The following PVT1 variants were observed in gnomAD, a reference collection of about 807,000 sequenced individuals.
PVT1 encodes CXCR4/PVT1 fusion.
At chr8:127,862,343 G>T (rs1166639641) in intron 2 of PVT1, among the ~76,000 whole-genome samples, 1 of 151,982 alleles carries the variant, frequency 6.6e-6, no homozygotes, top group African/African-American at 2.4e-5. Flanking sequence ...AGGAGGCAGA[G>T]GTTGCAGTAA....
chr8:127,913,149 C>G (rs1815931850), intron 3 of PVT1, among the ~76,000 whole-genome samples: 1 of 152,046 alleles, frequency 6.6e-6, no homozygotes, highest in Admixed American at 6.5e-5. Flanking sequence ...CACGCTTGGC[C>G]TCTTCCCTCC....
At chr8:127,955,721 T>C (rs1816560757) in intron 3 of PVT1, among the ~76,000 whole-genome samples, 1 of 152,118 alleles carries the variant, frequency 6.6e-6, no homozygotes, top group Admixed American at 6.5e-5. Context: ...TAGCTGGGAT[T>C]ACAGGCACGT....
intron 4 of PVT1, among the ~76,000 whole-genome samples, chr8:128,066,346 CAG>C (rs1752659071): frequency 6.6e-6 from 1 of 152,190 alleles, no homozygotes; most frequent in African/African-American, 2.4e-5. Context: ...TGCTGCTGAT[CAG>C]TGCTATGTGT....
Position 128,041,294 on chromosome 8 carries a change from TTG to T in PVT1, n.913-28862_913-28861del, listed in dbSNP as rs1424806653. ...CATCTGTGTGTTTATGCTTGTATGT[TTG>T]TGTTGTGCTCATGTTTGTGCATGTG... is the stretch of plus-strand genomic sequence containing the variant. On this transcript the variant is annotated intron_variant and non_coding_transcript_variant, in intron 4 of 10. Coordinates refer to ENST00000651587, the Ensembl canonical transcript of PVT1. Among the ~76,000 whole-genome samples the T allele has an allele frequency of 4.2e-5, 5 of 119,416 alleles. 1 individual carries two copies. The highest frequency in any genetic ancestry group is 9.6e-5 in the Admixed American group (1 of 10,458). The allele number at this position is 119,416 out of a possible 152,430, so 78.3% of individuals were successfully genotyped here.
rs35886687 is a variant in PVT1, at chr8:127,858,805, CTTTTTTTTTTTTTTTT to C, written n.373-31771_373-31756del. 1.9e-4 allele frequency among the ~76,000 whole-genome samples: 9 copies of C among 47,324 alleles called. No homozygotes were observed. The South Asian group carries it at 3.7e-3, about 20-fold the overall frequency. 31.0% of individuals were successfully genotyped at this position (47,324 alleles called of 152,430 possible). A position where few individuals can be genotyped will look rare whatever the true frequency, so the allele number is the denominator to read the frequency against. On this transcript the variant is annotated intron_variant and non_coding_transcript_variant, in intron 2 of 10. Transcript: ENST00000651587. ...CTCTTGTGGACTACACTTGAAGATT[CTTTTTTTTTTTTTTTT>C]TTTTTTTTTTTTGAGACAGGGTCTT...
intron 4 of PVT1, among the ~76,000 whole-genome samples, chr8:128,040,774 T>G (rs1474556332): frequency 1.3e-5 from 2 of 151,504 alleles, no homozygotes; most frequent in East Asian, 3.9e-4. Flanking sequence ...TTTTGTGCTT[T>G]TGTGTGTGTG....
chr8:127,963,369 G>A (rs1350039145), intron 3 of PVT1, among the ~76,000 whole-genome samples: 2 of 152,168 alleles, frequency 1.3e-5, no homozygotes, highest in Non-Finnish European at 2.9e-5. Flanking sequence ...GACACCTGGT[G>A]AGATTTGCCA....
chr8:128,043,584 T>C (rs1813571619), intron 4 of PVT1, among the ~76,000 whole-genome samples: 1 of 152,168 alleles, frequency 6.6e-6, no homozygotes, highest in Non-Finnish European at 1.5e-5. Context: ...TTGATCCCTG[T>C]GTCCTCCACC....
chr8:127,884,243 C>A (rs907142500), intron 2 of PVT1, among the ~76,000 whole-genome samples: 10 of 152,226 alleles, frequency 6.6e-5, no homozygotes, highest in African/African-American at 2.4e-4. Flanking sequence ...TCATCACACA[C>A]TCCCCTGTGT....
intron 6 of PVT1, among the ~76,000 whole-genome samples, chr8:128,098,332 A>G (rs1293960639): frequency 6.6e-6 from 1 of 152,156 alleles, no homozygotes; most frequent in Admixed American, 6.5e-5. Flanking sequence ...GGCGGAGCAG[A>G]TGGGATGGTG....
chr8:127,879,813 G>T (rs983879450), intron 2 of PVT1, among the ~76,000 whole-genome samples: 2 of 152,194 alleles, frequency 1.3e-5, no homozygotes, highest in Non-Finnish European at 2.9e-5. Flanking sequence ...CGGACAATGC[G>T]CCAGCACCCA....
chr8:127,907,967 C>G (rs980933599), intron 3 of PVT1, among the ~76,000 whole-genome samples: 3 of 152,160 alleles, frequency 2.0e-5, no homozygotes, highest in African/African-American at 7.2e-5. Context: ...GAGGCTGATT[C>G]AAGTGGCTCA....
chr8:128,064,318 C>T (rs1214920280), intron 4 of PVT1, among the ~76,000 whole-genome samples: 1 of 152,236 alleles, frequency 6.6e-6, no homozygotes, highest in Non-Finnish European at 1.5e-5. Context: ...TGTATTTACT[C>T]TGGTGGAACG....
intron 3 of PVT1, among the ~76,000 whole-genome samples, chr8:127,951,903 A>C (rs150451571): frequency 0.029 from 4,327 of 150,818 alleles, 103 homozygotes; most frequent in African/African-American, 0.057. Context: ...GCAACCTCCA[A>C]CTCCTGGGTT....
chr8:127,880,750 A>G (rs943307375), intron 2 of PVT1, among the ~76,000 whole-genome samples: 6 of 151,954 alleles, frequency 3.9e-5, no homozygotes, highest in African/African-American at 1.2e-4. Context: ...ATAGGCGTGC[A>G]CCACCATGAC....
At chr8:127,999,832 A>G (rs765882626) in intron 4 of PVT1, among the ~76,000 whole-genome samples, 5 of 152,214 alleles carry the variant, frequency 3.3e-5, no homozygotes, top group Admixed American at 1.3e-4. Flanking sequence ...ATGAACAGAG[A>G]TGTTGGAAAG....
chr8:127,830,500 C>T (rs1277514636), intron 2 of PVT1, among the ~76,000 whole-genome samples: 7 of 151,652 alleles, frequency 4.6e-5, no homozygotes, highest in Non-Finnish European at 7.4e-5. Flanking sequence ...GAGAGAAAAA[C>T]GTAGATTTTA....
At chr8:128,003,981 G>A (rs1183541976) in intron 4 of PVT1, among the ~76,000 whole-genome samples, 1 of 152,190 alleles carries the variant, frequency 6.6e-6, no homozygotes, top group Non-Finnish European at 1.5e-5. Context: ...GCAGATGGTT[G>A]CCTTCTTCTG....
intron 2 of PVT1, among the ~76,000 whole-genome samples, chr8:127,841,517 G>A (rs1467048458): frequency 6.6e-6 from 1 of 151,940 alleles, no homozygotes; most frequent in Non-Finnish European, 1.5e-5. Context: ...CAAGTGATCT[G>A]CCCACTTCAG....
Sources: allele counts gnomAD v4.1 joint callset (sites outside exome capture counted in the v4.1 genomes callset), GRCh38; gene constraint gnomAD v4.1.1; transcripts MANE v1.5; gene names NCBI Gene and HGNC (gene_info 2026-07-23, HGNC 2026-07-21).